RASGRF2: variants seen among roughly 807,000 people sequenced by gnomAD.
RASGRF2 encodes Ras protein specific guanine nucleotide releasing factor 2, also known as ras-specific guanine nucleotide-releasing factor 2.
RASGRF2 carries 76 observed loss-of-function variants against 151.0 expected under a neutral mutation model. That is an observed-to-expected ratio of 0.50 (90% CI 0.42 to 0.61). The LOEUF (loss-of-function observed/expected upper bound fraction) is 0.61, where lower values mean the gene tolerates loss of function less well. RASGRF2 is among the 20% of genes least tolerant of loss of function. The probability of loss-of-function intolerance (pLI) is 0.00; values close to 1 mark genes in which losing one functional copy is unlikely to be tolerated. For synonymous variants in RASGRF2, 504 were observed against 566.5 expected (o/e 0.89, Z 1.57); for missense variants, 1,148 against 1,564.6 (o/e 0.73, Z 4.49).
intron 17 of RASGRF2, among the ~76,000 whole-genome samples, chr5:81,140,322 A>G (rs890160069): frequency 6.6e-6 from 1 of 151,866 alleles, no homozygotes; most frequent in Non-Finnish European, 1.5e-5. Flanking sequence ...CATATTTTCT[A>G]TTGTTTTTTT....
At chr5:80,972,870 C>G (rs1472659225) in intron 1 of RASGRF2, among the ~76,000 whole-genome samples, 1 of 152,148 alleles carries the variant, frequency 6.6e-6, no homozygotes, top group Non-Finnish European at 1.5e-5. Flanking sequence ...TTAAGTTAAA[C>G]TATATGACCT....
At chr5:80,965,490 A>T (rs1747694291) in intron 1 of RASGRF2, among the ~76,000 whole-genome samples, 1 of 152,184 alleles carries the variant, frequency 6.6e-6, no homozygotes, top group Non-Finnish European at 1.5e-5. Context: ...AATTTTGGCT[A>T]CACTAAGCCT....
chr5:81,229,107 T>C lies in RASGRF2; in HGVS notation c.*3337T>C, dbSNP rs1292843622. The C allele has an allele frequency of 6.6e-6, 1 of 152,162 alleles. No individual in the cohort carries two copies. Among genetic ancestry groups the C allele is most frequent in the Non-Finnish European group, 1.5e-5 (1 of 68,026 alleles). The allele number at this position is 152,162 out of a possible 1,614,324, so 9.4% of individuals were successfully genotyped here. ...AAAGAGTAATGCAATACAGGGATTA[T>C]TCCCAATAAAATTAACTTTTATTTA... On this transcript the variant is annotated 3_prime_UTR_variant, in exon 27 of 27. Coordinates refer to ENST00000265080, the MANE Select transcript of RASGRF2 (RefSeq NM_006909.3).
intron 14 of RASGRF2, 108 bp downstream of exon 14, chr5:81,112,966 A>G: frequency 3.5e-6 from 5 of 1,411,362 alleles, no homozygotes; most frequent in Non-Finnish European, 4.8e-6. Flanking sequence ...CCTAGGGTGT[A>G]CTAGCTTGCC....
At chr5:81,144,858 A>G (rs1279560238) in intron 17 of RASGRF2, among the ~76,000 whole-genome samples, 1 of 152,140 alleles carries the variant, frequency 6.6e-6, no homozygotes, top group Non-Finnish European at 1.5e-5. Flanking sequence ...GAATCCTGTC[A>G]TCTGGCTCTT....
chr5:81,222,953 GCCAAT>G (rs1346414601), intron 26 of RASGRF2, among the ~76,000 whole-genome samples: 1 of 152,114 alleles, frequency 6.6e-6, no homozygotes, highest in East Asian at 1.9e-4. Context: ...ACATGCAAAA[GCCAAT>G]TTTCAACACA....
At chr5:81,167,808 G>A (rs1188001508) in intron 17 of RASGRF2, among the ~76,000 whole-genome samples, 2 of 152,150 alleles carry the variant, frequency 1.3e-5, no homozygotes, top group Non-Finnish European at 2.9e-5. Context: ...ACGGGGTCAG[G>A]CCGACTCGGC....
chr5:81,183,323 A>G lies in RASGRF2; in HGVS notation c.2793+3042A>G, dbSNP rs1754959577. Reference sequence around the variant, plus strand: ...TATTTCTCACTTCTCATCAAAGGTAACTAACATTGGCAGATACTACCTTGA... The same window carrying G: ...TATTTCTCACTTCTCATCAAAGGTAGCTAACATTGGCAGATACTACCTTGA... On this transcript the variant is annotated intron_variant, in intron 18 of 26. Transcript: ENST00000265080. 1.0e-5 allele frequency: 10 copies of G among 980,506 alleles called. No individual in the cohort carries two copies. In the South Asian group the frequency reaches 3.8e-4, roughly 37 times the overall value. 60.7% of individuals were successfully genotyped at this position (980,506 alleles called of 1,614,324 possible).
At chr5:81,225,358 C>T (rs796165201) in intron 26 of RASGRF2, among the ~76,000 whole-genome samples, 1 of 152,186 alleles carries the variant, frequency 6.6e-6, no homozygotes, top group African/African-American at 2.4e-5. Flanking sequence ...CACCATGGTG[C>T]CAATTTTAGG....
chr5:81,040,167 C>T (rs1012528686), intron 1 of RASGRF2, among the ~76,000 whole-genome samples: 4 of 151,882 alleles, frequency 2.6e-5, no homozygotes, highest in African/African-American at 9.7e-5. Context: ...CCATGCCTAG[C>T]CAATGTTTTC....
rs1756041293 is a variant in RASGRF2 at position 81,228,256 on chromosome 5, G to A, written c.*2486G>A. ...TTTGAGAATTACACCACTTTCTGGA[G>A]TCTGCAGCCTTCCTGGAGCTGCAAG... On this transcript the variant is annotated 3_prime_UTR_variant, in exon 27 of 27. Coordinates refer to ENST00000265080, the MANE Select transcript of RASGRF2 (RefSeq NM_006909.3). 2 of 152,376 alleles carry A rather than the reference G, an allele frequency of 1.3e-5. No individual in the cohort carries two copies. Among genetic ancestry groups the A allele is most frequent in the Admixed American group, 1.3e-4 (2 of 15,296 alleles). 9.4% of individuals were successfully genotyped at this position (152,376 alleles called of 1,614,324 possible). A position where few individuals can be genotyped will look rare whatever the true frequency, so the allele number is the denominator to read the frequency against.
intron 12 of RASGRF2, among the ~76,000 whole-genome samples, chr5:81,098,534 T>C (rs900591826): frequency 6.6e-6 from 1 of 152,168 alleles, no homozygotes; most frequent in Non-Finnish European, 1.5e-5. Context: ...GAACCACCAG[T>C]GCAACCGGAG....
chr5:81,212,830 G>A (rs1270945836), intron 23 of RASGRF2, among the ~76,000 whole-genome samples: 6 of 152,192 alleles, frequency 3.9e-5, no homozygotes, highest in African/African-American at 7.2e-5. Context: ...GAATTATTTC[G>A]GAGGGTACAT....
intron 17 of RASGRF2, among the ~76,000 whole-genome samples, chr5:81,178,778 GC>G (rs1302253416): frequency 6.6e-6 from 1 of 151,808 alleles, no homozygotes; most frequent in Non-Finnish European, 1.5e-5. Flanking sequence ...TCGCTCTGTC[GC>G]CCATGCTGGA....
chr5:81,202,683 T>C (rs1398552181), intron 19 of RASGRF2, among the ~76,000 whole-genome samples: 1 of 152,214 alleles, frequency 6.6e-6, no homozygotes, highest in Non-Finnish European at 1.5e-5. Flanking sequence ...TAAGATGAGG[T>C]ACTGGAGTAG....
At chr5:81,109,422 G>A (rs1016452368) in intron 13 of RASGRF2, among the ~76,000 whole-genome samples, 8 of 152,190 alleles carry the variant, frequency 5.3e-5, no homozygotes, top group Admixed American at 2.0e-4. Context: ...TTCGGAGGCC[G>A]AGGCGGGTGG....
At chr5:81,124,017 T>C (rs902115376) in intron 16 of RASGRF2, among the ~76,000 whole-genome samples, 2 of 152,250 alleles carry the variant, frequency 1.3e-5, no homozygotes, top group Non-Finnish European at 2.9e-5. Context: ...GTACTGACCA[T>C]GTACATACTT....
chr5:80,992,892 A>G (rs1411877081), intron 1 of RASGRF2, among the ~76,000 whole-genome samples: 1 of 152,222 alleles, frequency 6.6e-6, no homozygotes, highest in Non-Finnish European at 1.5e-5. Flanking sequence ...AGTGAGGTAC[A>G]AATTTGGCCA....
chr5:81,114,055 GGTTA>G, intron 15 of RASGRF2, 135 bp downstream of exon 15: 2 of 1,197,904 alleles, frequency 1.7e-6, no homozygotes, highest in South Asian at 3.1e-5. Context: ...TGAGCTCAAT[GGTTA>G]GTTAGAAGAG....
Sources: gnomAD v4.1 joint callset for allele counts (sites outside exome capture counted in the v4.1 genomes callset) on GRCh38, gnomAD v4.1.1 for gene constraint, MANE v1.5 for transcripts, NCBI Gene and HGNC (gene_info 2026-07-23, HGNC 2026-07-21) for gene names.